NELL2: variants seen among roughly 807,000 people sequenced by gnomAD.
NELL2 encodes neural EGFL like 2.
Under a neutral mutation model 109.6 loss-of-function variants are expected in NELL2, and 41 were observed. The ratio of observed to expected loss-of-function variants is 0.37; its 90% CI spans 0.29 to 0.49. The LOEUF (loss-of-function observed/expected upper bound fraction) is 0.49, where lower values mean the gene tolerates loss of function less well. Ranked by LOEUF, NELL2 falls within the 20% of genes least tolerant of loss-of-function variation. The pLI, the probability that NELL2 is intolerant of heterozygous loss-of-function variation, is 0.98. For missense variants in NELL2, 900 were observed against 1,008.3 expected (o/e 0.89, Z 1.45); for synonymous variants, 355 against 344.7 (o/e 1.03, Z -0.33).
intron 10 of NELL2, among the ~76,000 whole-genome samples, chr12:44,713,545 T>C (rs1938331294): frequency 6.6e-6 from 1 of 151,972 alleles, no homozygotes; most frequent in African/African-American, 2.4e-5. Flanking sequence ...ATTTTAATGT[T>C]CCTGTGCCTC....
chr12:44,582,814 G>A (rs553140145), intron 15 of NELL2, among the ~76,000 whole-genome samples: 1 of 152,200 alleles, frequency 6.6e-6, no homozygotes, highest in South Asian at 2.1e-4. Context: ...ACAGTGTTGG[G>A]AGATAAGGCC....
Position 44,520,087 on chromosome 12 carries a change from C to T in NELL2, c.2318G>A (p.Cys773Tyr). 6.2e-7 allele frequency: 1 copy of T among 1,614,120 alleles called. No individual in the cohort carries two copies. The highest frequency in any genetic ancestry group is 1.1e-5 in the South Asian group (1 of 91,082). ...GCGAACCACATTCATTTCGTCCAGG[C>T]AAGTCTTGGTGATGTCATTGCGGAT... ...DTIRNDITKT[C>Y]LDEMNVVRFT... The change falls in exon 19 of 20, where the codon TGC becomes TAC. Residue 773 changes from cysteine (C) to tyrosine (Y), a missense_variant. Coordinates refer to ENST00000429094, the MANE Select transcript of NELL2 (RefSeq NM_001145108.2).
intron 1 of NELL2, among the ~76,000 whole-genome samples, chr12:44,888,588 A>T (rs1945500687): frequency 6.6e-6 from 1 of 151,934 alleles, no homozygotes; most frequent in Non-Finnish European, 1.5e-5. Flanking sequence ...AAAAAAAATT[A>T]AAATTAAGAA....
intron 15 of NELL2, among the ~76,000 whole-genome samples, chr12:44,555,395 G>C (rs2082597258): frequency 6.6e-6 from 1 of 152,122 alleles, no homozygotes; most frequent in South Asian, 2.1e-4. Flanking sequence ...CTAGAGTAGG[G>C]AGTATTTCTT....
At chr12:44,869,215 GA>G (rs2136828907) in intron 2 of NELL2, among the ~76,000 whole-genome samples, 1 of 150,796 alleles carries the variant, frequency 6.6e-6, no homozygotes, top group East Asian at 2.0e-4. Flanking sequence ...CAAAAAGGGA[GA>G]AAATGGAAGA....
At chr12:44,852,903 G>A (rs187367725) in intron 2 of NELL2, among the ~76,000 whole-genome samples, 30 of 152,226 alleles carry the variant, frequency 2.0e-4, no homozygotes, top group South Asian at 2.1e-4. Context: ...ACTATGAGAT[G>A]CTTTATTGTA....
chr12:44,584,298 C>A (rs2136215298), intron 15 of NELL2, among the ~76,000 whole-genome samples: 1 of 152,348 alleles, frequency 6.6e-6, no homozygotes, highest in Non-Finnish European at 1.5e-5. Context: ...GATGACTGGT[C>A]AGCCTGGCCT....
At chr12:44,876,489 G>T (rs4415832), upstream of NELL2, 12 of 1,345,772 alleles carry the variant, frequency 8.9e-6, no homozygotes, top group Non-Finnish European at 1.1e-5. Context: ...CCCAGGAGCC[G>T]TTGCAGCCTC....
At chr12:44,750,544 A>C (rs1678941480) in intron 9 of NELL2, among the ~76,000 whole-genome samples, 1 of 152,148 alleles carries the variant, frequency 6.6e-6, no homozygotes, top group African/African-American at 2.4e-5. Flanking sequence ...AAATTTCACT[A>C]TTAGAACATG....
chr12:44,909,169 A>G (rs1192470846), intron 1 of NELL2, among the ~76,000 whole-genome samples: 1 of 152,058 alleles, frequency 6.6e-6, no homozygotes, highest in African/African-American at 2.4e-5. Context: ...ATGATTCTAT[A>G]CCTAGAAAAC....
intron 2 of NELL2, chr12:44,851,708 T>C (rs1018339061): frequency 6.6e-6 from 1 of 152,178 alleles, no homozygotes; most frequent in African/African-American, 2.4e-5. Flanking sequence ...CAACTAACAT[T>C]TATAAACCCC....
At chr12:44,623,129 T>C (rs569304786) in intron 13 of NELL2, among the ~76,000 whole-genome samples, 12 of 152,268 alleles carry the variant, frequency 7.9e-5, no homozygotes, top group Admixed American at 2.0e-4. Flanking sequence ...GTTGTGGTCG[T>C]TACAAGATGA....
chr12:44,670,965 A>G (rs566692873), intron 12 of NELL2, among the ~76,000 whole-genome samples: 1 of 152,258 alleles, frequency 6.6e-6, no homozygotes, highest in East Asian at 1.9e-4. Flanking sequence ...ATTTACAGAA[A>G]ATTTTACCCA....
In NELL2 at chr12:44,665,544, C is replaced by T; in HGVS notation, c.1384G>A (p.Gly462Ser). ...GTTTTGCAGATGCACATAAAAGAAC[C>T]CGGGGTGTTGACACACATTGTATTT... ...RENTMCVNTPGSFMCICKTGY... is the reference protein window; with the variant it reads ...RENTMCVNTPSSFMCICKTGY... The change falls in exon 13 of 20, where the codon GGT (glycine) becomes AGT (serine). Residue 462 changes from glycine (G) to serine (S), a missense_variant. Transcript: ENST00000429094. The T allele has an allele frequency of 6.2e-7, 1 of 1,613,368 alleles. No individual in the cohort carries two copies. Among genetic ancestry groups the T allele is most frequent in the Non-Finnish European group, 8.5e-7 (1 of 1,179,442 alleles).
At chr12:44,745,364 G>C (rs1275897356) in intron 9 of NELL2, among the ~76,000 whole-genome samples, 2 of 152,062 alleles carry the variant, frequency 1.3e-5, no homozygotes, top group African/African-American at 2.4e-5. Context: ...GGCAAAAACT[G>C]GAAGCATTCC....
intron 12 of NELL2, among the ~76,000 whole-genome samples, chr12:44,699,321 G>A (rs569878508): frequency 8.5e-5 from 13 of 152,164 alleles, no homozygotes; most frequent in Admixed American, 7.9e-4. Context: ...TATACTTCCA[G>A]ACATTCTAGA....
At chr12:44,653,732 G>A (rs1947385742) in intron 13 of NELL2, among the ~76,000 whole-genome samples, 1 of 152,034 alleles carries the variant, frequency 6.6e-6, no homozygotes, top group South Asian at 2.1e-4. Context: ...ATTATTGGAA[G>A]TCTCATCAAT....
At chr12:44,549,438 A>G (rs1942938119) in intron 15 of NELL2, among the ~76,000 whole-genome samples, 1 of 152,208 alleles carries the variant, frequency 6.6e-6, no homozygotes, top group Non-Finnish European at 1.5e-5. Flanking sequence ...TCTGCCAACC[A>G]GAAACACTTA....
chr12:44,509,780 A>C (rs1940902341), intron 19 of NELL2, among the ~76,000 whole-genome samples: 1 of 152,154 alleles, frequency 6.6e-6, no homozygotes, highest in Non-Finnish European at 1.5e-5. Context: ...ACTAAGACAA[A>C]AGGAAATACA....
Sources: allele counts gnomAD v4.1 joint callset (sites outside exome capture counted in the v4.1 genomes callset), GRCh38; gene constraint gnomAD v4.1.1; transcripts MANE v1.5; gene names NCBI Gene and HGNC (gene_info 2026-07-23, HGNC 2026-07-21).